Variants in GPHN observed in about 807,000 individuals in gnomAD.
GPHN encodes the protein gephyrin.
A neutral mutation model predicts 95.5 loss-of-function variants in GPHN; 17 were observed. The observed-to-expected ratio is 0.18, with a 90% CI of 0.12 to 0.27. The LOEUF is 0.27. Among genes scored for constraint, GPHN ranks in the 10% least tolerant of loss-of-function variants. GPHN has a pLI of 1.00. For missense variants in GPHN, 660 were observed against 978.1 expected (o/e 0.67, Z 4.34); for synonymous variants, 320 against 322.5 (o/e 0.99, Z 0.08).
intron 1 of GPHN, among the ~76,000 whole-genome samples, chr14:66,581,381 C>T (rs1054585455): frequency 3.3e-5 from 5 of 151,718 alleles, no homozygotes; most frequent in Admixed American, 2.6e-4. Context: ...CTCTTGATCA[C>T]TATAACGAAA....
chr14:66,614,206 T>A (rs2062901615), intron 1 of GPHN, among the ~76,000 whole-genome samples: 1 of 152,122 alleles, frequency 6.6e-6, no homozygotes, highest in Non-Finnish European at 1.5e-5. Flanking sequence ...ATAACTATAT[T>A]AATTTGGGTC....
At chr14:66,514,873 G>A (rs1239361695) in intron 1 of GPHN, among the ~76,000 whole-genome samples, 6 of 152,008 alleles carry the variant, frequency 3.9e-5, no homozygotes, top group African/African-American at 1.4e-4. Flanking sequence ...TAATCTATAT[G>A]TGGGAGGCTG....
intron 4 of GPHN, among the ~76,000 whole-genome samples, chr14:66,878,279 A>G (rs543279078): frequency 9.2e-5 from 14 of 152,326 alleles, no homozygotes; most frequent in Admixed American, 1.3e-4. Context: ...ACCCTAGAAG[A>G]AAACAGGCAA....
At position 67,105,772 on chromosome 14, in the gene GPHN, T is replaced by A. The variant is rs973014109; in HGVS notation, c.1294-4368T>A. Among the ~76,000 whole-genome samples, 20 of 152,274 alleles carry A rather than the reference T, an allele frequency of 1.3e-4. No homozygotes were observed. In the South Asian group the frequency reaches 2.1e-3, roughly 16 times the overall value. Reference sequence around the variant, plus strand: ...AGCAAATAGTTGGGTTCTTTTTTTTTAAATCCATTCAGCTTGTCTGTATCT... The same window carrying A: ...AGCAAATAGTTGGGTTCTTTTTTTTAAAATCCATTCAGCTTGTCTGTATCT... On this transcript the variant is annotated intron_variant, in intron 13 of 22. Coordinates refer to ENST00000478722, the MANE Select transcript of GPHN (RefSeq NM_020806.5).
At chr14:66,686,171 C>G (rs540704050) in intron 2 of GPHN, among the ~76,000 whole-genome samples, 89 of 152,292 alleles carry the variant, frequency 5.8e-4, no homozygotes, top group South Asian at 1.7e-3. Context: ...AGTTTGAAGT[C>G]AGGTAGCATG....
the GPHN span, among the ~76,000 whole-genome samples, chr14:67,344,272 C>T: frequency 2.6e-5 from 4 of 152,204 alleles, no homozygotes; most frequent in African/African-American, 9.6e-5. Flanking sequence ...AGCCTTCCAA[C>T]TTGTAGCAGA....
the GPHN span, among the ~76,000 whole-genome samples, chr14:67,440,761 A>G: frequency 6.6e-6 from 1 of 151,500 alleles, no homozygotes; most frequent in East Asian, 1.9e-4. Flanking sequence ...GAAAAAAAAA[A>G]AGAGACACTC....
the GPHN span, chr14:67,692,805 C>G: frequency 2.3e-5 from 20 of 876,666 alleles, no homozygotes; most frequent in Admixed American, 9.1e-5. Context: ...AGTTTCAGAT[C>G]AGCAAATCAG....
At chr14:67,357,625 C>T in the GPHN span, among the ~76,000 whole-genome samples, 2 of 152,166 alleles carry the variant, frequency 1.3e-5, no homozygotes, top group Non-Finnish European at 2.9e-5. Context: ...TAAACCCAGC[C>T]AGACATTCGT....
chr14:66,716,743 G>A (rs1223883580), intron 2 of GPHN, among the ~76,000 whole-genome samples: 1 of 152,130 alleles, frequency 6.6e-6, no homozygotes, highest in Non-Finnish European at 1.5e-5. Context: ...GCAGTTGTTT[G>A]TCTGAAAAAG....
chr14:67,388,702 C>T, the GPHN span, among the ~76,000 whole-genome samples: 37 of 151,968 alleles, frequency 2.4e-4, no homozygotes, highest in Non-Finnish European at 4.7e-4. Context: ...TTTTTTGAGA[C>T]GGAGTCTCAC....
chr14:66,884,717 C>T (rs1044283561), intron 5 of GPHN, among the ~76,000 whole-genome samples: 3 of 151,406 alleles, frequency 2.0e-5, no homozygotes, highest in Non-Finnish European at 4.4e-5. Context: ...GATTTATGAT[C>T]TCTACTTAGT....
intron 11 of GPHN, among the ~76,000 whole-genome samples, chr14:67,068,841 C>G (rs139038743): frequency 6.6e-6 from 1 of 152,274 alleles, no homozygotes; most frequent in African/African-American, 2.4e-5. Flanking sequence ...CCGTCTCTGA[C>G]TTCTAGCTAG....
At chr14:67,203,962 T>A in the GPHN span, among the ~76,000 whole-genome samples, 1 of 152,208 alleles carries the variant, frequency 6.6e-6, no homozygotes. Context: ...TCCACCCGCC[T>A]TGGCCTCCCA....
chr14:67,657,844 GCA>G, the GPHN span, among the ~76,000 whole-genome samples: 14 of 151,714 alleles, frequency 9.2e-5, no homozygotes, highest in East Asian at 9.7e-4. Context: ...TGCCTCCCGG[GCA>G]CAAGCAATTC....
At chr14:66,817,920 C>T (rs1220701875) in intron 3 of GPHN, among the ~76,000 whole-genome samples, 1 of 152,138 alleles carries the variant, frequency 6.6e-6, no homozygotes, top group Non-Finnish European at 1.5e-5. Flanking sequence ...AGCCCAGTTG[C>T]AAGGGTTGTA....
chr14:67,574,399 C>A, the GPHN span: 5 of 1,568,550 alleles, frequency 3.2e-6, no homozygotes, highest in Admixed American at 3.8e-5. This position sits in a 1 kb window ranked among gnomAD's most constrained non-coding sequence, Gnocchi z 4.2. Context: ...GGCTGGCTGA[C>A]CAAGGTAGAG....
At chr14:67,281,306 C>A in the GPHN span, among the ~76,000 whole-genome samples, 1 of 152,118 alleles carries the variant, frequency 6.6e-6, no homozygotes, top group Non-Finnish European at 1.5e-5. Context: ...TTTAAGAAAT[C>A]ATAGATATGT....
At chr14:67,666,339 C>G in the GPHN span, among the ~76,000 whole-genome samples, 1 of 152,190 alleles carries the variant, frequency 6.6e-6, no homozygotes. Flanking sequence ...GAGAAGAAGA[C>G]CACAGAACCT....
Sources: allele counts gnomAD v4.1 joint callset (sites outside exome capture counted in the v4.1 genomes callset), GRCh38; gene constraint gnomAD v4.1.1; non-coding constraint Gnocchi (gnomAD v3.1); transcripts MANE v1.5; gene names NCBI Gene and HGNC (gene_info 2026-07-23, HGNC 2026-07-21).